The following MALL variants were observed in gnomAD, a reference collection of about 807,000 sequenced individuals.
MALL encodes MAL-like protein.
A neutral mutation model predicts 10.3 loss-of-function variants in MALL; 2 were observed. That is an observed-to-expected ratio of 0.19 (90% CI 0.08 to 0.61). MALL has a LOEUF of 0.61. Ranked by LOEUF, MALL falls within the 20% of genes least tolerant of loss-of-function variation. The pLI, the probability that MALL is intolerant of heterozygous loss-of-function variation, is 0.88. For missense variants in MALL, 39 were observed against 115.2 expected, an observed-to-expected ratio of 0.34 and a Z score of 3.03; for synonymous variants, 27 against 51.8, an observed-to-expected ratio of 0.52 and a Z score of 2.05.
chr2:110,116,682 G>A (rs1678929244), upstream of MALL: 1 of 152,348 alleles, frequency 6.6e-6, no homozygotes, highest in Non-Finnish European at 1.5e-5. Flanking sequence ...TGAATGCAGG[G>A]CTGTGACCCA....
upstream of MALL, among the ~76,000 whole-genome samples, chr2:110,116,813 G>A (rs978600512): frequency 5.3e-5 from 8 of 152,198 alleles, no homozygotes; most frequent in Non-Finnish European, 1.0e-4. Flanking sequence ...TGCTCAGGAT[G>A]CTCCAGGTTA....
At chr2:110,097,448 GAA>G in intron 1 of MALL, 1 of 456,366 alleles carries the variant, frequency 2.2e-6, no homozygotes, top group South Asian at 1.5e-5. Context: ...GGAGAATTCT[GAA>G]TGGGAAGAGA....
intron 1 of MALL, among the ~76,000 whole-genome samples, chr2:110,114,192 C>T (rs1189932832): frequency 6.6e-6 from 1 of 152,098 alleles, no homozygotes; most frequent in Non-Finnish European, 1.5e-5. Flanking sequence ...TTCCCCCCAG[C>T]CTGTAAATGC....
intron 1 of MALL, among the ~76,000 whole-genome samples, chr2:110,107,668 C>A (rs114230885): frequency 6.6e-6 from 1 of 152,272 alleles, no homozygotes; most frequent in African/African-American, 2.4e-5. Context: ...CAACACTGGT[C>A]CCTCTCCATA....
intron 1 of MALL, among the ~76,000 whole-genome samples, chr2:110,110,206 A>C (rs1417559694): frequency 1.3e-5 from 2 of 152,160 alleles, no homozygotes; most frequent in South Asian, 4.1e-4. Flanking sequence ...AGAAGAAAGG[A>C]AATAACCAAG....
At position 110,115,806 on chromosome 2, in the gene MALL, G is replaced by A; in HGVS notation, c.-14C>T. The stretch of plus-strand genomic sequence containing the variant: ...GGGCGAGGCCATGCTGTCAGCCCCT[G>A]CCGGGTGCTCCGCGGCAGCTCGCCC... On this transcript the variant is annotated 5_prime_UTR_variant, in exon 1 of 4. Transcript: ENST00000272462. 1.6e-6 allele frequency: 2 copies of A among 1,226,852 alleles called. No individual in the cohort carries two copies. Among genetic ancestry groups the A allele is most frequent in the Non-Finnish European group, 1.0e-6 (1 of 967,538 alleles). 76.0% of individuals were successfully genotyped at this position (1,226,852 alleles called of 1,614,324 possible).
chr2:110,115,861 C>T, upstream of MALL: 1 of 615,492 alleles, frequency 1.6e-6, no homozygotes, highest in Non-Finnish European at 2.4e-6. Flanking sequence ...TCACCTCCTG[C>T]CCGACACACC....
intron 1 of MALL, among the ~76,000 whole-genome samples, chr2:110,097,099 A>AC (rs1166131880): frequency 2.6e-5 from 4 of 151,116 alleles, no homozygotes; most frequent in Admixed American, 6.6e-5. Context: ...ACAAAACAAA[A>AC]AAAAAAAAAG....
At chr2:110,105,414 T>C (rs1343601394) in intron 1 of MALL, among the ~76,000 whole-genome samples, 1 of 152,214 alleles carries the variant, frequency 6.6e-6, no homozygotes, top group East Asian at 1.9e-4. Context: ...GGGGACATCC[T>C]TGGCCATTAT....
chr2:110,104,184 C>T (rs1489450816), intron 1 of MALL, among the ~76,000 whole-genome samples: 5 of 152,116 alleles, frequency 3.3e-5, no homozygotes, highest in African/African-American at 9.7e-5. Flanking sequence ...GCATCAGCAT[C>T]GCTGCCCCTC....
intron 1 of MALL, among the ~76,000 whole-genome samples, chr2:110,096,417 T>C (rs1235614850): frequency 6.6e-6 from 1 of 152,120 alleles, no homozygotes; most frequent in Admixed American, 6.5e-5. Context: ...GGGGTCTCAC[T>C]GGCCCCTCTA....
Position 110,106,450 on chromosome 2 carries a change from T to C in MALL, c.105+9238A>G, listed in dbSNP as rs147787477. 6.6e-3 allele frequency among the ~76,000 whole-genome samples: 1,001 copies of C among 152,304 alleles called. 19 individuals are homozygous for C. Among genetic ancestry groups the C allele is most frequent in the African/African-American group, 0.023 (937 of 41,548 alleles). ...CTACATGAAGGAGAGAGAAAATAAATGGATGTCTGTTCTCATCTTAAAATT... is the reference window on the plus strand; with the variant it reads ...CTACATGAAGGAGAGAGAAAATAAACGGATGTCTGTTCTCATCTTAAAATT... On this transcript the variant is annotated intron_variant, in intron 1 of 3. Transcript: ENST00000272462.
rs192674716 is a variant in MALL, at chr2:110,115,288, G to A, written c.105+400C>T. On this transcript the variant is annotated intron_variant, in intron 1 of 3. Transcript: ENST00000272462. ...AAAATTCATGTGCAACATCTCCCTG[G>A]GAAGCCTGGATATTTTAGCGACGTC... Among the ~76,000 whole-genome samples the A allele has an allele frequency of 1.1e-4, 17 of 152,274 alleles. No individual in the cohort carries two copies. The East Asian group carries it at 3.3e-3, about 29-fold the overall frequency.
chr2:110,095,543 A>G (rs1354522079), intron 1 of MALL, among the ~76,000 whole-genome samples: 3 of 152,138 alleles, frequency 2.0e-5, no homozygotes, highest in Non-Finnish European at 4.4e-5. Flanking sequence ...CTTCATGTTT[A>G]GAAAGTGGTT....
intron 1 of MALL, among the ~76,000 whole-genome samples, chr2:110,103,459 G>A (rs1273833449): frequency 6.6e-6 from 1 of 152,132 alleles, no homozygotes; most frequent in Non-Finnish European, 1.5e-5. Flanking sequence ...CCGCACTAGG[G>A]CCCTTTGCCC....
intron 1 of MALL, among the ~76,000 whole-genome samples, chr2:110,114,399 G>A (rs1223016415): frequency 6.6e-6 from 1 of 151,904 alleles, no homozygotes; most frequent in Non-Finnish European, 1.5e-5. Flanking sequence ...TGAACCACAG[G>A]CTCAATAAAA....
chr2:110,117,701 G>T (rs540717480), upstream of MALL, among the ~76,000 whole-genome samples: 2 of 150,556 alleles, frequency 1.3e-5, no homozygotes, highest in South Asian at 4.2e-4. Context: ...TAGGATCATG[G>T]TTCCTCTGAT....
chr2:110,115,998 G>C (rs1051572087), upstream of MALL: 1 of 390,004 alleles, frequency 2.6e-6, no homozygotes, highest in Non-Finnish European at 4.5e-6. Context: ...CCTGGCCGGC[G>C]GGGGGCACAG....
intron 1 of MALL, among the ~76,000 whole-genome samples, chr2:110,104,122 C>T (rs949081859): frequency 6.6e-6 from 1 of 152,166 alleles, no homozygotes; most frequent in East Asian, 1.9e-4. Context: ...CCAGCACCCC[C>T]ACACTGGTCT....
Sources: allele counts gnomAD v4.1 joint callset (sites outside exome capture counted in the v4.1 genomes callset), GRCh38; gene constraint gnomAD v4.1.1; transcripts MANE v1.5; gene names NCBI Gene and HGNC (gene_info 2026-07-23, HGNC 2026-07-21).